TM2D3: variants seen among roughly 807,000 people sequenced by gnomAD.
The protein encoded by TM2D3 is TM2 domain-containing protein 3.
Under a neutral mutation model 27.3 loss-of-function variants are expected in TM2D3, and 33 were observed. That is an observed-to-expected ratio of 1.21 (90% CI 0.92 to 1.61). TM2D3 has a LOEUF of 1.61. TM2D3 is among the 40% of genes most tolerant of loss of function. The pLI, the probability that TM2D3 is intolerant of heterozygous loss-of-function variation, is 0.00. For missense variants in TM2D3, 364 were observed against 320.8 expected (o/e 1.13, Z -1.03); for synonymous variants, 138 against 122.2 (o/e 1.13, Z -0.85).
chr15:101,642,119 A>T lies in TM2D3; in HGVS notation c.*360T>A. 1 of 994,518 alleles carries T rather than the reference A, an allele frequency of 1.0e-6. No individual in the cohort carries two copies. Among genetic ancestry groups the T allele is most frequent in the Non-Finnish European group, 1.2e-6 (1 of 835,990 alleles). 61.6% of individuals were successfully genotyped at this position (994,518 alleles called of 1,614,324 possible). ...AAACACTCCCACTTCCTGCAGTCAC[A>T]GCTGAAAGACTTTTCAAGGCAGACT... On this transcript the variant is annotated 3_prime_UTR_variant, in exon 6 of 6. Transcript: ENST00000333202.
chr15:101,640,724 C>T (rs528186952), downstream of TM2D3, among the ~76,000 whole-genome samples: 2 of 152,372 alleles, frequency 1.3e-5, no homozygotes, highest in Admixed American at 1.3e-4. Context: ...AGTTCTGTCT[C>T]AGGCCATCAG....
At chr15:101,637,770 C>T (rs1012641780), downstream of TM2D3, among the ~76,000 whole-genome samples, 1 of 152,134 alleles carries the variant, frequency 6.6e-6, no homozygotes, top group African/African-American at 2.4e-5. Context: ...ACAGGCGTAA[C>T]TACGTTGCGC....
At chr15:101,640,858 G>A (rs2141359676), downstream of TM2D3, among the ~76,000 whole-genome samples, 1 of 152,254 alleles carries the variant, frequency 6.6e-6, no homozygotes, top group South Asian at 2.1e-4. Flanking sequence ...TCCTTTCATG[G>A]ATTCTGAATC....
At chr15:101,648,912 C>T (rs1293269997) in intron 3 of TM2D3, among the ~76,000 whole-genome samples, 1 of 152,084 alleles carries the variant, frequency 6.6e-6, no homozygotes, top group East Asian at 1.9e-4. Context: ...ACGAGCTCAA[C>T]GATTGTGTGC....
chr15:101,643,167 AAAAGT>A (rs757814201), intron 5 of TM2D3, among the ~76,000 whole-genome samples: 7 of 152,196 alleles, frequency 4.6e-5, no homozygotes, highest in Non-Finnish European at 8.8e-5. Context: ...CCTAACAATA[AAAAGT>A]AAAGAGAACA....
At chr15:101,652,155 C>T (rs1007471446) in intron 1 of TM2D3, 116 bp downstream of exon 1, 59 of 1,008,410 alleles carry the variant, frequency 5.9e-5, no homozygotes, top group Non-Finnish European at 7.3e-5. Flanking sequence ...GCCCGGAGCC[C>T]GGCACTCGGC....
downstream of TM2D3, among the ~76,000 whole-genome samples, chr15:101,637,284 G>C (rs1896571599): frequency 6.6e-6 from 1 of 152,198 alleles, no homozygotes; most frequent in South Asian, 2.1e-4. Context: ...GAAGCCTCCA[G>C]ATTGCGAGCT....
At chr15:101,648,641 T>C (rs1339857579) in intron 3 of TM2D3, among the ~76,000 whole-genome samples, 4 of 152,234 alleles carry the variant, frequency 2.6e-5, no homozygotes, top group Non-Finnish European at 5.9e-5. Context: ...GGCACATTTA[T>C]GTCACCTACA....
At position 101,649,706 on chromosome 15, in the gene TM2D3, T is replaced by G. The variant is rs1345635869; in HGVS notation, c.327+298A>C. Among the ~76,000 whole-genome samples the G allele has an allele frequency of 2.0e-5, 3 of 152,208 alleles. No individual in the cohort carries two copies. The East Asian group carries it at 5.8e-4, about 29-fold the overall frequency. ...TCCATCTGAACGAATTAGACTTGCT[T>G]CAGATATGCTAGTAGACTGAGATCT... On this transcript the variant is annotated intron_variant, in intron 3 of 5. Transcript: ENST00000333202.
chr15:101,643,624 C>CCA (rs1405689772), intron 5 of TM2D3, among the ~76,000 whole-genome samples: 12 of 96,334 alleles, frequency 1.2e-4, no homozygotes, highest in Admixed American at 4.2e-4. Flanking sequence ...AAAAAAAAAG[C>CCA]AAAAAAAAAA....
At chr15:101,645,734 A>G (rs1213575556) in intron 4 of TM2D3, 2 of 152,100 alleles carry the variant, frequency 1.3e-5, no homozygotes, top group Non-Finnish European at 2.9e-5. Context: ...TCTTAAAACC[A>G]CCACAAAAAA....
intron 3 of TM2D3, among the ~76,000 whole-genome samples, chr15:101,649,075 TATTA>T (rs1201389900): frequency 3.9e-5 from 6 of 152,202 alleles, no homozygotes; most frequent in African/African-American, 7.2e-5. Context: ...GTTAAAAATG[TATTA>T]ATTAAATACT....
At chr15:101,646,988 T>C in intron 3 of TM2D3, 89 bp from the exon 4 acceptor site, 1 of 1,436,318 alleles carries the variant, frequency 7.0e-7, no homozygotes, top group South Asian at 1.2e-5. Context: ...TGGCACAAAA[T>C]TCCGTAAATG....
chr15:101,637,430 C>T (rs543904755), downstream of TM2D3, among the ~76,000 whole-genome samples: 5 of 152,130 alleles, frequency 3.3e-5, no homozygotes, highest in Non-Finnish European at 7.4e-5. Context: ...CAAGAGACAG[C>T]TATGCGGGGC....
chr15:101,633,577 T>G lies in TM2D3; in HGVS notation c.*100A>C, dbSNP rs1235825201. The G allele has an allele frequency of 3.1e-6, 3 of 962,346 alleles. No homozygotes were observed. In the African/African-American group the frequency reaches 4.9e-5, roughly 16 times the overall value. 59.6% of individuals were successfully genotyped at this position (962,346 alleles called of 1,614,324 possible). ...ACCATCTTTCTTCTTCAAGGACTGC[T>G]GTGGTTAGGGACGCTCATCTGCAAC... On this transcript the variant is annotated 3_prime_UTR_variant, in exon 5 of 5. Coordinates refer to the TM2D3 transcript ENST00000428002.
intron 4 of TM2D3, 136 bp downstream of exon 4, chr15:101,646,589 A>AT: frequency 1.2e-6 from 1 of 863,388 alleles, no homozygotes; most frequent in Non-Finnish European, 1.9e-6. Flanking sequence ...TTTATTGATG[A>AT]TGCTTGGCAC....
chr15:101,639,318 G>A (rs1273765913), downstream of TM2D3, among the ~76,000 whole-genome samples: 1 of 151,576 alleles, frequency 6.6e-6, no homozygotes, highest in Non-Finnish European at 1.5e-5. Flanking sequence ...CTACCAAAAG[G>A]GCAGAACAGA....
At position 101,642,133 on chromosome 15, in the gene TM2D3, T is replaced by C. The variant is rs1433871824; in HGVS notation, c.*346A>G. 1.0e-6 allele frequency: 1 copy of C among 999,444 alleles called. No individual in the cohort carries two copies. Among genetic ancestry groups the C allele is most frequent in the Non-Finnish European group, 1.2e-6 (1 of 839,346 alleles). 61.9% of individuals were successfully genotyped at this position (999,444 alleles called of 1,614,324 possible). A position where few individuals can be genotyped will look rare whatever the true frequency, so the allele number is the denominator to read the frequency against. On this transcript the variant is annotated 3_prime_UTR_variant, in exon 6 of 6. Transcript: ENST00000333202. The stretch of plus-strand genomic sequence containing the variant: ...CCTGCAGTCACAGCTGAAAGACTTT[T>C]CAAGGCAGACTACATTTGGGCTGGA...
intron 1 of TM2D3, chr15:101,651,989 T>G (rs1896991115): frequency 3.3e-6 from 2 of 597,752 alleles, no homozygotes; most frequent in Non-Finnish European, 5.9e-6. Context: ...AAGGATGACA[T>G]CGCGCTCCAG....
Sources: gnomAD v4.1 joint callset for allele counts (sites outside exome capture counted in the v4.1 genomes callset) on GRCh38, gnomAD v4.1.1 for gene constraint, MANE v1.5 for transcripts, NCBI Gene and HGNC (gene_info 2026-07-23, HGNC 2026-07-21) for gene names.